The following VAT1L variants were observed in gnomAD, a reference collection of about 807,000 sequenced individuals.
VAT1L encodes the protein vesicle amine transport 1 like, also known as putative NADPH-dependent quinone oxidoreductase VAT1L.
In VAT1L, 34 loss-of-function variants were observed where a neutral mutation model predicts 44.1. The ratio of observed to expected loss-of-function variants is 0.77; its 90% CI spans 0.59 to 1.03. VAT1L has a LOEUF of 1.03. VAT1L is among the 50% of genes least tolerant of loss of function. The pLI is 0.00. For synonymous variants in VAT1L, 253 were observed against 202.2 expected, an observed-to-expected ratio of 1.25 and a Z score of -2.13; for missense variants, 615 against 538.8, an observed-to-expected ratio of 1.14 and a Z score of -1.40.
chr16:77,797,379 G>A (rs1166265809), intron 1 of VAT1L, among the ~76,000 whole-genome samples: 1 of 152,078 alleles, frequency 6.6e-6, no homozygotes, highest in African/African-American at 2.4e-5. Context: ...CCAAAGTGCT[G>A]GGATTACAGG....
chr16:77,872,706 T>G (rs2017045133), intron 4 of VAT1L, among the ~76,000 whole-genome samples: 1 of 152,178 alleles, frequency 6.6e-6, no homozygotes, highest in Non-Finnish European at 1.5e-5. Flanking sequence ...GAGGGTCATC[T>G]TCCAATGCTC....
At chr16:77,825,573 G>A in intron 3 of VAT1L, 112 bp downstream of exon 3, 1 of 1,238,466 alleles carries the variant, frequency 8.1e-7, no homozygotes, top group Non-Finnish European at 1.1e-6. Flanking sequence ...TCATCACTAT[G>A]GTTCTGGTAG....
intron 1 of VAT1L, among the ~76,000 whole-genome samples, chr16:77,814,942 C>T (rs907565952): frequency 5.9e-5 from 9 of 152,160 alleles, no homozygotes; most frequent in Non-Finnish European, 1.0e-4. Context: ...TGACTATGTA[C>T]GTGGCACCAC....
At chr16:77,946,018 T>A (rs1241347596) in intron 7 of VAT1L, among the ~76,000 whole-genome samples, 1 of 152,006 alleles carries the variant, frequency 6.6e-6, no homozygotes, top group Non-Finnish European at 1.5e-5. Flanking sequence ...GTCAGGCTGG[T>A]CTCGAACTGC....
intron 7 of VAT1L, among the ~76,000 whole-genome samples, chr16:77,914,821 A>T (rs2017535541): frequency 6.6e-6 from 1 of 152,200 alleles, no homozygotes; most frequent in Non-Finnish European, 1.5e-5. Context: ...ATAACACCAG[A>T]TTGATTGGGT....
At chr16:77,909,128 G>GA (rs1377724238) in intron 7 of VAT1L, among the ~76,000 whole-genome samples, 1 of 152,158 alleles carries the variant, frequency 6.6e-6, no homozygotes, top group Non-Finnish European at 1.5e-5. Flanking sequence ...ATAACCATGA[G>GA]AAGTAGATGT....
chr16:77,850,911 G>C (rs1397242164), intron 3 of VAT1L, among the ~76,000 whole-genome samples: 2 of 152,084 alleles, frequency 1.3e-5, no homozygotes, highest in Non-Finnish European at 2.9e-5. Context: ...GGTTGCTGGA[G>C]TCCAACTCTC....
chr16:77,951,918 C>G (rs2018048984), intron 7 of VAT1L, among the ~76,000 whole-genome samples: 2 of 151,482 alleles, frequency 1.3e-5, no homozygotes, highest in Middle Eastern at 3.4e-3. Context: ...AGAGATTGAA[C>G]TCAATTCCTT....
chr16:77,790,089 T>C (rs1489196917), intron 1 of VAT1L, among the ~76,000 whole-genome samples: 1 of 152,176 alleles, frequency 6.6e-6, no homozygotes, highest in Non-Finnish European at 1.5e-5. Flanking sequence ...TGGACCTCTC[T>C]AGAGGCACGA....
chr16:77,822,030 A>G (rs1033159290), intron 2 of VAT1L, among the ~76,000 whole-genome samples: 5 of 152,352 alleles, frequency 3.3e-5, no homozygotes, highest in East Asian at 1.9e-4. Flanking sequence ...ACAGGCGTCA[A>G]TACTGAACAG....
chr16:77,978,687 G>A lies in VAT1L; in HGVS notation c.*992G>A, dbSNP rs1362852969. The stretch of plus-strand genomic sequence containing the variant: ...TGTCCCAACATGTAACAAACTCTAG[G>A]GATACAAAAGGTTTATATTCAGCAT... On this transcript the variant is annotated 3_prime_UTR_variant, in exon 9 of 9. Transcript: ENST00000302536. 2 of 152,098 alleles carry A rather than the reference G, an allele frequency of 1.3e-5. No individual in the cohort carries two copies. Among genetic ancestry groups the A allele is most frequent in the African/African-American group, 4.8e-5 (2 of 41,406 alleles). 9.4% of individuals were successfully genotyped at this position (152,098 alleles called of 1,614,324 possible).
At chr16:77,882,970 T>C (rs1422788669) in intron 6 of VAT1L, among the ~76,000 whole-genome samples, 4 of 152,202 alleles carry the variant, frequency 2.6e-5, no homozygotes, top group Non-Finnish European at 5.9e-5. Flanking sequence ...GTGGCTCTTA[T>C]TGGTCCCCCG....
chr16:77,926,715 A>G (rs1470423721), intron 7 of VAT1L, among the ~76,000 whole-genome samples: 1 of 152,184 alleles, frequency 6.6e-6, no homozygotes, highest in East Asian at 1.9e-4. Flanking sequence ...ACCAACCTCT[A>G]TGCCCCACTA....
chr16:77,903,778 C>G (rs1239459987), intron 7 of VAT1L, among the ~76,000 whole-genome samples: 1 of 149,492 alleles, frequency 6.7e-6, no homozygotes, highest in African/African-American at 2.5e-5. Context: ...ATTCTGTCAC[C>G]CAGGCTGGAG....
intron 7 of VAT1L, among the ~76,000 whole-genome samples, chr16:77,968,356 T>C (rs934041724): frequency 3.9e-5 from 6 of 152,162 alleles, no homozygotes; most frequent in African/African-American, 1.2e-4. Context: ...AGCTATGCCG[T>C]AGACAGAGTA....
chr16:77,793,637 GA>G (rs1456247610), intron 1 of VAT1L, among the ~76,000 whole-genome samples: 2 of 152,184 alleles, frequency 1.3e-5, no homozygotes, highest in East Asian at 3.9e-4. Flanking sequence ...GCTTGCAGTA[GA>G]AGGGCACTAA....
Position 77,816,958 on chromosome 16 carries a change from A to C in VAT1L, c.271A>C (p.Asn91His). 1 of 1,613,838 alleles carries C rather than the reference A, an allele frequency of 6.2e-7. No individual in the cohort carries two copies. The highest frequency in any genetic ancestry group is 1.1e-5 in the South Asian group (1 of 91,054). Residue 91 changes from asparagine (N) to histidine (H), a missense_variant, in exon 2 of 9, where the codon AAT (asparagine) becomes CAT (histidine). By Grantham distance (68) the Asn-to-His change is moderately conservative. Transcript: ENST00000302536. ...CATTGACTTGATGGTGCGACAAGGGAATATTGACAACCCTCCCAAGACTCC... is the reference window on the plus strand; with the variant it reads ...CATTGACTTGATGGTGCGACAAGGGCATATTGACAACCCTCCCAAGACTCC... ...NFIDLMVRQG[N>H]IDNPPKTPLV...
intron 1 of VAT1L, among the ~76,000 whole-genome samples, chr16:77,804,823 T>G (rs2145219434): frequency 6.6e-6 from 1 of 152,320 alleles, no homozygotes; most frequent in African/African-American, 2.4e-5. Flanking sequence ...CAAGTCCCAC[T>G]GCAAAGAGAA....
Position 77,862,839 on chromosome 16 carries a change from C to T in VAT1L, c.671C>T (p.Ser224Phe), listed in dbSNP as rs1567491133. Residue 224 changes from serine (S) to phenylalanine (F), a missense_variant, in exon 4 of 9, where the codon TCT (serine) becomes TTT (phenylalanine). Transcript: ENST00000302536. Reference protein sequence around the residue: ...STFKHEAIKDSVTHLFDRNAD... With the variant: ...STFKHEAIKDFVTHLFDRNAD... ...TTCAAGCATGAAGCAATCAAAGACT[C>T]TGTGACCCACCTCTTTGACAGAAAT... is the stretch of plus-strand genomic sequence containing the variant. The T allele has an allele frequency of 6.2e-7, 1 of 1,613,940 alleles. No individual in the cohort carries two copies. The highest frequency in any genetic ancestry group is 1.1e-5 in the South Asian group (1 of 91,086).
Sources: allele counts gnomAD v4.1 joint callset (sites outside exome capture counted in the v4.1 genomes callset), GRCh38; gene constraint gnomAD v4.1.1; transcripts MANE v1.5; gene names NCBI Gene and HGNC (gene_info 2026-07-23, HGNC 2026-07-21).